Variants in CKAP5 observed in about 807,000 individuals in gnomAD.
CKAP5 encodes the protein cytoskeleton associated protein 5.
In CKAP5, 27 loss-of-function variants were observed where a neutral mutation model predicts 232.8. That is an observed-to-expected ratio of 0.12 (90% CI 0.09 to 0.16). CKAP5 has a LOEUF of 0.16. Ranked by LOEUF, CKAP5 falls within the 10% of genes least tolerant of loss-of-function variation. CKAP5 has a pLI of 1.00. For missense variants in CKAP5, 1,838 were observed against 2,424.7 expected, an observed-to-expected ratio of 0.76 and a Z score of 5.08; for synonymous variants, 785 against 841.1, an observed-to-expected ratio of 0.93 and a Z score of 1.16.
chr11:46,784,089 C>T (rs139688411), intron 17 of CKAP5, among the ~76,000 whole-genome samples: 1 of 151,778 alleles, frequency 6.6e-6, no homozygotes, highest in African/African-American at 2.4e-5. Context: ...TATCAAAGGG[C>T]CGGGCATGGT....
intron 38 of CKAP5, among the ~76,000 whole-genome samples, chr11:46,752,185 T>TACACAC (rs1162579267): frequency 3.8e-4 from 26 of 68,480 alleles, no homozygotes; most frequent in African/African-American, 1.0e-3. Flanking sequence ...TATATATATA[T>TACACAC]ATATATATAC....
At position 46,833,467 on chromosome 11, in the gene CKAP5, T is replaced by C. The variant is rs117989100; in HGVS notation, c.-37-12199A>G. Among the ~76,000 whole-genome samples the C allele has an allele frequency of 3.8e-3, 569 of 151,042 alleles. 26 individuals are homozygous for C. The East Asian group carries it at 0.094, about 25-fold the overall frequency. ...AACCACAGCTATCATTACTATATTA[T>C]TGTTATTATTATTAATTTTTTTTTT... On this transcript the variant is annotated intron_variant, in intron 1 of 43. Coordinates refer to ENST00000529230, the MANE Select transcript of CKAP5 (RefSeq NM_001008938.4).
In CKAP5 at chr11:46,788,894, G is replaced by A. The variant is rs576522611; in HGVS notation, c.1876-121C>T. ...AAAGGAGTGGAATAGAACTGAGGAGGGTTATTGAGGGAGCTTATATAGCTT... is the reference window on the plus strand; with the variant it reads ...AAAGGAGTGGAATAGAACTGAGGAGAGTTATTGAGGGAGCTTATATAGCTT... On this transcript the variant is annotated intron_variant, in intron 15 of 43. Transcript: ENST00000529230. 5.9e-5 allele frequency: 40 copies of A among 678,254 alleles called. No individual in the cohort carries two copies. The Admixed American group carries it at 1.2e-3, about 21-fold the overall frequency. 42.0% of individuals were successfully genotyped at this position (678,254 alleles called of 1,614,324 possible). A position where few individuals can be genotyped will look rare whatever the true frequency, so the allele number is the denominator to read the frequency against.
chr11:46,755,988 A>G (rs1483876968), intron 35 of CKAP5, among the ~76,000 whole-genome samples: 2 of 152,230 alleles, frequency 1.3e-5, no homozygotes, highest in Non-Finnish European at 2.9e-5. Flanking sequence ...AGTGCTTTTT[A>G]GACTCTTCAG....
At chr11:46,805,408 GA>G (rs982326929) in intron 8 of CKAP5, among the ~76,000 whole-genome samples, 9 of 151,856 alleles carry the variant, frequency 5.9e-5, no homozygotes, top group Non-Finnish European at 2.9e-5. Flanking sequence ...TTCATTAAAG[GA>G]AAAAAATTGA....
chr11:46,798,413 AAAAC>A (rs1409708337), intron 9 of CKAP5, among the ~76,000 whole-genome samples: 2 of 151,954 alleles, frequency 1.3e-5, no homozygotes, highest in Non-Finnish European at 2.9e-5. Context: ...TGTCTCTACT[AAAAC>A]AAACAAAAAA....
At chr11:46,815,566 G>C (rs1396646433) in intron 4 of CKAP5, among the ~76,000 whole-genome samples, 7 of 152,028 alleles carry the variant, frequency 4.6e-5, no homozygotes, top group African/African-American at 1.7e-4. Flanking sequence ...CAAAGTGCTG[G>C]GATTACAGGC....
intron 13 of CKAP5, among the ~76,000 whole-genome samples, chr11:46,794,689 A>C (rs1938826526): frequency 1.3e-5 from 2 of 151,882 alleles, no homozygotes; most frequent in African/African-American, 2.4e-5. Context: ...TTTAAAAATA[A>C]GCTGGGTATG....
Position 46,800,677 on chromosome 11 carries a change from C to T in CKAP5, c.1083+523G>A, listed in dbSNP as rs557724246. ...TCAGATTTTCTTTGAATAAGTAAAA[C>T]GGAGATAACCTATATAAAATATATA... On this transcript the variant is annotated intron_variant, in intron 9 of 43. Transcript: ENST00000529230. 3.4e-4 allele frequency among the ~76,000 whole-genome samples: 52 copies of T among 152,132 alleles called. 1 individual carries two copies. The South Asian group carries it at 4.4e-3, about 13-fold the overall frequency.
chr11:46,752,191 T>TATATATACATAC (rs1555160680), intron 38 of CKAP5, among the ~76,000 whole-genome samples: 1 of 73,166 alleles, frequency 1.4e-5, no homozygotes, highest in African/African-American at 4.5e-5. Context: ...TATATATATA[T>TATATATACATAC]ATACACACAC....
chr11:46,748,038 T>G (rs2065035125), intron 42 of CKAP5, among the ~76,000 whole-genome samples: 1 of 152,050 alleles, frequency 6.6e-6, no homozygotes, highest in African/African-American at 2.4e-5. Context: ...AGCGAGACCC[T>G]GACTCTAAAA....
At chr11:46,846,187 C>G (rs1940188634) in intron 1 of CKAP5, 33 bp downstream of exon 1, 1 of 152,292 alleles carries the variant, frequency 6.6e-6, no homozygotes, top group Non-Finnish European at 1.5e-5. Context: ...ACTCGAGGGC[C>G]TCGCGGGTGG....
intron 1 of CKAP5, among the ~76,000 whole-genome samples, chr11:46,823,838 C>T (rs1408655329): frequency 6.6e-6 from 1 of 152,038 alleles, no homozygotes; most frequent in Non-Finnish European, 1.5e-5. Context: ...CCAGGCTGGC[C>T]GATTTTTCAA....
At chr11:46,834,429 G>A (rs1378168591) in intron 1 of CKAP5, among the ~76,000 whole-genome samples, 2 of 146,080 alleles carry the variant, frequency 1.4e-5, no homozygotes, top group African/African-American at 5.1e-5. Flanking sequence ...TGAGGCAGGA[G>A]AAACGCTTGA....
At position 46,760,719 on chromosome 11, in the gene CKAP5, A is replaced by T. The variant is rs1334711706; in HGVS notation, c.4287T>A (p.Ala1429=). 1 of 1,614,238 alleles carries T rather than the reference A, an allele frequency of 6.2e-7. No homozygotes were observed. Among genetic ancestry groups the T allele is most frequent in the Non-Finnish European group, 8.5e-7 (1 of 1,180,044 alleles). Residue 1429 remains alanine (A), a synonymous_variant, in exon 33 of 44, where the codon GCT becomes GCA. Coordinates refer to ENST00000529230, the MANE Select transcript of CKAP5 (RefSeq NM_001008938.4). ...RIKRSAKRPS[A]APIKQVEEKP... is the part of the protein sequence containing the mutation. The stretch of plus-strand genomic sequence containing the variant: ...TCTCTTCCACCTGTTTTATTGGTGC[A>T]GCAGAGGGTCTCTTTGCTGACCGCT...
chr11:46,767,706 TATC>T (rs1214888895), intron 26 of CKAP5, 43 bp from the exon 27 acceptor site: 12 of 1,218,480 alleles, frequency 9.8e-6, no homozygotes, highest in Middle Eastern at 2.7e-4. Context: ...CTTTAACTAA[TATC>T]ATTTTATTTT....
chr11:46,778,946 G>A (rs148751351), intron 20 of CKAP5, among the ~76,000 whole-genome samples: 16 of 152,134 alleles, frequency 1.1e-4, no homozygotes, highest in Non-Finnish European at 1.9e-4. Flanking sequence ...ATGGTGGCAC[G>A]TGCGTGTAAT....
intron 29 of CKAP5, 62 bp from the exon 30 acceptor site, chr11:46,763,241 G>C: frequency 7.5e-7 from 1 of 1,328,482 alleles, no homozygotes; most frequent in Non-Finnish European, 1.0e-6. Context: ...AATTCTACTA[G>C]GCAAGTGTCT....
rs1321126544 is a variant in CKAP5 at position 46,780,224 on chromosome 11, G to A, written c.2403C>T (p.Leu801=). Residue 801 remains leucine (L), a synonymous_variant, in exon 20 of 44, where the codon CTC becomes CTT. Coordinates refer to ENST00000529230, the MANE Select transcript of CKAP5 (RefSeq NM_001008938.4). ...CAAATTCTGCATCTATCTGGGATAG[G>A]AGGGCAGGCTTCTCATCCTCAAAGA... is the stretch of plus-strand genomic sequence containing the variant. The part of the protein sequence containing the change: ...RMFFEDEKPA[L]LSQIDAEFEK... The A allele has an allele frequency of 8.7e-6, 14 of 1,614,086 alleles. No individual in the cohort carries two copies. The highest frequency in any genetic ancestry group is 1.1e-5 in the Non-Finnish European group (13 of 1,179,974).
Sources: allele counts gnomAD v4.1 joint callset (sites outside exome capture counted in the v4.1 genomes callset), GRCh38; gene constraint gnomAD v4.1.1; transcripts MANE v1.5; gene names NCBI Gene and HGNC (gene_info 2026-07-23, HGNC 2026-07-21).